The following B4GALNT3 variants were observed in gnomAD, a reference collection of about 807,000 sequenced individuals.
The protein encoded by B4GALNT3 is beta-1,4-N-acetylgalactosaminyltransferase 3.
In B4GALNT3, 86 loss-of-function variants were observed where a neutral mutation model predicts 120.2. That is an observed-to-expected ratio of 0.72 (90% CI 0.60 to 0.86). The LOEUF (loss-of-function observed/expected upper bound fraction) is 0.86, where lower values mean the gene tolerates loss of function less well. B4GALNT3 is among the 40% of genes least tolerant of loss of function. The pLI is 0.00. For synonymous variants in B4GALNT3, 518 were observed against 510.4 expected (o/e 1.01, Z -0.20); for missense variants, 1,167 against 1,298.9 (o/e 0.90, Z 1.56).
At chr12:504,148 G>T (rs1472353998) in intron 1 of B4GALNT3, among the ~76,000 whole-genome samples, 2 of 150,322 alleles carry the variant, frequency 1.3e-5, no homozygotes, top group Non-Finnish European at 3.0e-5. Flanking sequence ...AGTAACACAT[G>T]CTCATTGCTT....
At chr12:547,880 C>T (rs555353645) in intron 7 of B4GALNT3, 144 bp from the exon 8 acceptor site, 3 of 682,496 alleles carry the variant, frequency 4.4e-6, no homozygotes, top group African/African-American at 1.8e-5. Flanking sequence ...AGTGGGGGCT[C>T]GAACCTAGGC....
intron 1 of B4GALNT3, among the ~76,000 whole-genome samples, chr12:474,947 C>CAA (rs386375353): frequency 0.4 from 23,940 of 60,440 alleles, 5,097 homozygotes; most frequent in East Asian, 0.61. Flanking sequence ...GACCTTGTCT[C>CAA]AAAAAAAAAA....
At chr12:493,592 G>GT (rs34112834) in intron 1 of B4GALNT3, among the ~76,000 whole-genome samples, 265 of 147,234 alleles carry the variant, frequency 1.8e-3, no homozygotes, top group Admixed American at 3.8e-3. Flanking sequence ...AAATATAATG[G>GT]TTTTTTTTTT....
chr12:544,699 A>G (rs1217314901), intron 4 of B4GALNT3, among the ~76,000 whole-genome samples, 183 bp from the exon 5 acceptor site: 1 of 152,128 alleles, frequency 6.6e-6, no homozygotes, highest in Non-Finnish European at 1.5e-5. Flanking sequence ...CTGGTTGTGC[A>G]CTGTACAAGG....
At chr12:519,708 C>A (rs1305149836) in intron 1 of B4GALNT3, among the ~76,000 whole-genome samples, 1 of 151,530 alleles carries the variant, frequency 6.6e-6, no homozygotes, top group African/African-American at 2.4e-5. Flanking sequence ...TCCCACCAGA[C>A]CTTGTTGATG....
intron 1 of B4GALNT3, among the ~76,000 whole-genome samples, chr12:523,823 G>A (rs906267929): frequency 2.0e-5 from 3 of 152,240 alleles, no homozygotes; most frequent in African/African-American, 4.8e-5. Flanking sequence ...AGCACTTTGG[G>A]AGGCTGAGAC....
At chr12:491,633 T>G (rs573690306) in intron 1 of B4GALNT3, among the ~76,000 whole-genome samples, 90 of 152,098 alleles carry the variant, frequency 5.9e-4, no homozygotes, top group African/African-American at 1.9e-3. Flanking sequence ...CCAGCCTGAT[T>G]TGTGATACAA....
In B4GALNT3 at chr12:556,657, G is replaced by A. The variant is rs372632839; in HGVS notation, c.2171G>A (p.Arg724Gln). Residue 724 changes from arginine (R) to glutamine (Q), a missense_variant, in exon 15 of 20, where the codon CGG (arginine) becomes CAG (glutamine). By Grantham distance (43) the Arg-to-Gln change is conservative. Coordinates refer to ENST00000266383, the MANE Select transcript of B4GALNT3 (RefSeq NM_173593.4). ...ELLEQGQRVV[R>Q]LSEYVSARGW... is the part of the protein sequence containing the mutation. ...TTGGAACAAGGCCAGCGCGTGGTGC[G>A]GCTCTCGGAGTATGTGTCTGCACGA... 209 of 1,613,890 alleles carry A rather than the reference G, an allele frequency of 1.3e-4. 1 individual carries two copies. The highest frequency in any genetic ancestry group is 2.3e-4 in the South Asian group (21 of 91,078).
intron 1 of B4GALNT3, among the ~76,000 whole-genome samples, chr12:520,111 AGTG>A (rs1946693014): frequency 1.3e-5 from 2 of 152,090 alleles, no homozygotes; most frequent in Admixed American, 1.3e-4. Flanking sequence ...GGGAAAAGGG[AGTG>A]GTGGGAGAAA....
At chr12:496,461 G>A (rs928321922) in intron 1 of B4GALNT3, among the ~76,000 whole-genome samples, 4 of 152,060 alleles carry the variant, frequency 2.6e-5, no homozygotes, top group African/African-American at 7.2e-5. Flanking sequence ...TTGTCCAGGC[G>A]TGGTGGCACA....
In B4GALNT3 at chr12:536,289, C is replaced by T. The variant is rs763022001; in HGVS notation, c.345C>T (p.Leu115=). 24 of 1,612,488 alleles carry T rather than the reference C, an allele frequency of 1.5e-5. No homozygotes were observed. The highest frequency in any genetic ancestry group is 2.0e-5 in the Non-Finnish European group (23 of 1,178,630). Residue 115 remains leucine (L), a synonymous_variant, in exon 3 of 20, where the codon CTC becomes CTT. Coordinates refer to ENST00000266383, the MANE Select transcript of B4GALNT3 (RefSeq NM_173593.4). ...AGTGGAACAAGCCTGTCCCCTGGCT[C>T]TCAGAGGTGAGGGACTTTCTATTGT... is the stretch of plus-strand genomic sequence containing the variant. ...YLKWNKPVPW[L]SEFRGRANLH...
chr12:526,154 G>A (rs1188788238), intron 1 of B4GALNT3, among the ~76,000 whole-genome samples: 1 of 152,164 alleles, frequency 6.6e-6, no homozygotes, highest in African/African-American at 2.4e-5. Context: ...AGGGAAGGGT[G>A]GAGCTGAATG....
chr12:480,993 C>T (rs1326832380), intron 1 of B4GALNT3, among the ~76,000 whole-genome samples: 2 of 152,208 alleles, frequency 1.3e-5, no homozygotes, highest in Non-Finnish European at 2.9e-5. Context: ...GTGTGCTTAG[C>T]CCAGGGGTGG....
chr12:549,932 T>G lies in B4GALNT3; in HGVS notation c.997+20T>G. The G allele has an allele frequency of 1.3e-6, 2 of 1,592,402 alleles. No individual in the cohort carries two copies. Among genetic ancestry groups the G allele is most frequent in the Non-Finnish European group, 1.7e-6 (2 of 1,169,912 alleles). The stretch of plus-strand genomic sequence containing the variant: ...ATCGAGGTAAGGCCTCGGCCAGCGC[T>G]TGGCGTCCTTTCTGGGGACACTGCA... On this transcript the variant is annotated intron_variant, in intron 10 of 19. Transcript: ENST00000266383.
In B4GALNT3 at chr12:514,424, A is replaced by C. The variant is rs371152169; in HGVS notation, c.170-20742A>C. Among the ~76,000 whole-genome samples the C allele has an allele frequency of 2.3e-3, 341 of 151,310 alleles. 1 individual carries two copies. The highest frequency in any genetic ancestry group is 0.015 in the East Asian group (76 of 5,044). Reference sequence around the variant, plus strand: ...GTGTTAGCCAGGATGGTCTCGATCTACTGACCTCGTGATCTGCCCGCCTCG... The same window carrying C: ...GTGTTAGCCAGGATGGTCTCGATCTCCTGACCTCGTGATCTGCCCGCCTCG... On this transcript the variant is annotated intron_variant, in intron 1 of 19. Coordinates refer to ENST00000266383, the MANE Select transcript of B4GALNT3 (RefSeq NM_173593.4).
chr12:529,524 G>A (rs184742500), intron 1 of B4GALNT3, among the ~76,000 whole-genome samples: 19 of 152,204 alleles, frequency 1.2e-4, no homozygotes, highest in African/African-American at 4.3e-4. Flanking sequence ...TACTCCCAGC[G>A]TAGATCAGCA....
chr12:544,754 C>G lies in B4GALNT3; in HGVS notation c.448-128C>G, dbSNP rs1592051319. ...AATGGGAACTGAAATTGAGCCTGCA[C>G]TCCACTCACAAAGCCACAGCCCTGG... On this transcript the variant is annotated intron_variant, in intron 4 of 19. Transcript: ENST00000266383. 3.4e-6 allele frequency: 3 copies of G among 877,114 alleles called. No homozygotes were observed. The South Asian group carries it at 5.0e-5, about 15-fold the overall frequency. 54.3% of individuals were successfully genotyped at this position (877,114 alleles called of 1,614,324 possible).
At chr12:462,379 C>T (rs901755113) in intron 1 of B4GALNT3, among the ~76,000 whole-genome samples, 1 of 149,348 alleles carries the variant, frequency 6.7e-6, no homozygotes, top group Non-Finnish European at 1.5e-5. Flanking sequence ...TGTGTTTTCT[C>T]CCCAAACCTG....
At chr12:526,529 C>T (rs778333860) in intron 1 of B4GALNT3, among the ~76,000 whole-genome samples, 10 of 152,180 alleles carry the variant, frequency 6.6e-5, no homozygotes, top group East Asian at 1.9e-4. Context: ...TTAGAGGTCC[C>T]GGAGCCTATT....
Sources: gnomAD v4.1 joint callset for allele counts (sites outside exome capture counted in the v4.1 genomes callset) on GRCh38, gnomAD v4.1.1 for gene constraint, MANE v1.5 for transcripts, NCBI Gene and HGNC (gene_info 2026-07-23, HGNC 2026-07-21) for gene names.